Variants in PTCHD1 observed in about 807,000 individuals in gnomAD.
The protein encoded by PTCHD1 is patched domain-containing protein 1.
Under a neutral mutation model 34.6 loss-of-function variants are expected in PTCHD1, and 3 were observed. The ratio of observed to expected loss-of-function variants is 0.09; its 90% CI spans 0.04 to 0.22. The LOEUF (loss-of-function observed/expected upper bound fraction) is 0.22, where lower values mean the gene tolerates loss of function less well. Among genes scored for constraint, PTCHD1 ranks in the 10% least tolerant of loss-of-function variants. The pLI, the probability that PTCHD1 is intolerant of heterozygous loss-of-function variation, is 1.00. For synonymous variants in PTCHD1, 305 were observed against 283.1 expected, an observed-to-expected ratio of 1.08 and a Z score of -0.77; for missense variants, 504 against 685.5, an observed-to-expected ratio of 0.74 and a Z score of 2.96.
At chrX:23,342,196 C>G (rs747152566) in intron 1 of PTCHD1, among the ~76,000 whole-genome samples, 1 of 101,937 alleles carries the variant, frequency 9.8e-6, no homozygotes, top group South Asian at 4.5e-4. Context: ...CCAACTCCAG[C>G]CATCATCGGC....
Position 23,355,861 on chromosome X carries a change from G to C in PTCHD1, c.351+20635G>C, listed in dbSNP as rs147360100. On this transcript the variant is annotated intron_variant, in intron 1 of 2. Transcript: ENST00000379361. ...TTTACAAATGCATATATTAATATCT[G>C]CCTGTGTATTCCCTTGAGAGCTGGG... Among the ~76,000 whole-genome samples the C allele has an allele frequency of 4.4e-3, 497 of 112,268 alleles. 13 individuals carry two copies. In the East Asian group the frequency reaches 0.11, roughly 25 times the overall value.
In PTCHD1 at chrX:23,403,865, TA is replaced by T. The variant is rs1398924953; in HGVS notation, c.*9686del. The T allele has an allele frequency of 9.0e-6, 1 of 111,370 alleles. No individual in the cohort carries two copies. Among genetic ancestry groups the T allele is most frequent in the Non-Finnish European group, 1.9e-5 (1 of 53,045 alleles). The allele number at this position is 111,370 out of a possible 1,213,427, so 9.2% of individuals were successfully genotyped here. A position where few individuals can be genotyped will look rare whatever the true frequency, so the allele number is the denominator to read the frequency against. On this transcript the variant is annotated 3_prime_UTR_variant, in exon 3 of 3. Coordinates refer to ENST00000379361, the MANE Select transcript of PTCHD1 (RefSeq NM_173495.3). ...AAGATAGTTTAAAAAATCAAGGTAA[TA>T]AAAAACGGCCAACTCTTTCAGGAAA...
At chrX:23,344,784 C>A (rs1601902650) in intron 1 of PTCHD1, among the ~76,000 whole-genome samples, 1 of 111,680 alleles carries the variant, frequency 9.0e-6, no homozygotes, top group African/African-American at 3.3e-5. Flanking sequence ...AGGGAAGTGC[C>A]TTTTGAATTA....
In PTCHD1 at chrX:23,394,476, A is replaced by G. The variant is rs1922936083; in HGVS notation, c.*291A>G. On this transcript the variant is annotated 3_prime_UTR_variant, in exon 3 of 3. Transcript: ENST00000379361. ...CCCTGGGAGACCTATAGTCTCTTAA[A>G]CTAAGATCAAGTAGAAGAAAGCTTA... The G allele has an allele frequency of 4.2e-6, 1 of 238,701 alleles. No individual in the cohort carries two copies. The highest frequency in any genetic ancestry group is 7.4e-6 in the Non-Finnish European group (1 of 135,135). 19.7% of individuals were successfully genotyped at this position (238,701 alleles called of 1,213,427 possible).
In PTCHD1 at chrX:23,396,514, G is replaced by A. The variant is rs1465372229; in HGVS notation, c.*2329G>A. The A allele has an allele frequency of 8.9e-6, 1 of 111,952 alleles. No homozygotes were observed. The highest frequency in any genetic ancestry group is 1.9e-5 in the Non-Finnish European group (1 of 53,167). 9.2% of individuals were successfully genotyped at this position (111,952 alleles called of 1,213,427 possible). On this transcript the variant is annotated 3_prime_UTR_variant, in exon 3 of 3. Coordinates refer to ENST00000379361, the MANE Select transcript of PTCHD1 (RefSeq NM_173495.3). ...CAGTCATTGATTTAGTGTCAGCCACGTGGAGCACCTCGGCTTAAAGCAGCT... is the reference window on the plus strand; with the variant it reads ...CAGTCATTGATTTAGTGTCAGCCACATGGAGCACCTCGGCTTAAAGCAGCT...
rs1441593198 is a variant in PTCHD1, at chrX:23,394,635, T to A, written c.*450T>A. ...TTCAAACAATAAGGCTTCCAGAACT[T>A]CTGTAGAGCAGTAGCTCCAGTCATG... On this transcript the variant is annotated 3_prime_UTR_variant, in exon 3 of 3. Transcript: ENST00000379361. The A allele has an allele frequency of 8.1e-6, 1 of 124,158 alleles. No homozygotes were observed. The highest frequency in any genetic ancestry group is 1.7e-5 in the Non-Finnish European group (1 of 59,885). 10.2% of individuals were successfully genotyped at this position (124,158 alleles called of 1,213,427 possible). A position where few individuals can be genotyped will look rare whatever the true frequency, so the allele number is the denominator to read the frequency against.
chrX:23,374,307 AAAC>A (rs67913330), intron 1 of PTCHD1, among the ~76,000 whole-genome samples: 13,446 of 47,571 alleles, frequency 0.28, 2,477 homozygotes, highest in Non-Finnish European at 0.38. Context: ...AAAAAAAAAA[AAAC>A]CCAAAACCCT....
intron 1 of PTCHD1, among the ~76,000 whole-genome samples, chrX:23,365,218 G>A (rs1922108946): frequency 8.9e-6 from 1 of 111,894 alleles, no homozygotes; most frequent in African/African-American, 3.3e-5. Flanking sequence ...ACCATCAAAA[G>A]ATTGAGTATG....
intron 1 of PTCHD1, among the ~76,000 whole-genome samples, chrX:23,371,710 C>G (rs756777313): frequency 1.6e-4 from 18 of 111,236 alleles, no homozygotes; most frequent in African/African-American, 5.2e-4. Flanking sequence ...ATGTCCCTCC[C>G]ACAAAAGCAC....
intron 1 of PTCHD1, among the ~76,000 whole-genome samples, chrX:23,358,807 CTTGAA>C (rs200888192): frequency 0.14 from 15,427 of 111,287 alleles, 893 homozygotes; most frequent in Admixed American, 0.18. Flanking sequence ...TTTAATCCAA[CTTGAA>C]TTAATTTTTG....
At position 23,396,363 on chromosome X, in the gene PTCHD1, C is replaced by A. The variant is rs751949923; in HGVS notation, c.*2178C>A. ...AGGGCAAGTTTGCATAATAGATCTTCGATCAATTCTCTCTCCAAGGGGCCC... is the reference window on the plus strand; with the variant it reads ...AGGGCAAGTTTGCATAATAGATCTTAGATCAATTCTCTCTCCAAGGGGCCC... On this transcript the variant is annotated 3_prime_UTR_variant, in exon 3 of 3. Transcript: ENST00000379361. 4 of 112,105 alleles carry A rather than the reference C, an allele frequency of 3.6e-5. No individual in the cohort carries two copies. In the East Asian group the frequency reaches 1.1e-3, roughly 31 times the overall value. The allele number at this position is 112,105 out of a possible 1,213,427, so 9.2% of individuals were successfully genotyped here.
chrX:23,347,669 T>A (rs1921512700), intron 1 of PTCHD1, among the ~76,000 whole-genome samples: 1 of 111,458 alleles, frequency 9.0e-6, no homozygotes, highest in South Asian at 3.8e-4. Context: ...AAAATCAGAC[T>A]CGGATATGGG....
chrX:23,380,065 C>A lies in PTCHD1; in HGVS notation c.826C>A (p.Leu276Met). 1 of 1,211,824 alleles carries A rather than the reference C, an allele frequency of 8.3e-7. No homozygotes were observed. The highest frequency in any genetic ancestry group is 1.1e-6 in the Non-Finnish European group (1 of 895,318). The change falls in exon 2 of 3, where the codon CTG becomes ATG. Residue 276 changes from leucine (L) to methionine (M), a missense_variant. Coordinates refer to ENST00000379361, the MANE Select transcript of PTCHD1 (RefSeq NM_173495.3). ...RVSERYLVTS[L>M]ILVVTMAILC... is the part of the protein sequence containing the mutation. The stretch of plus-strand genomic sequence containing the variant: ...ATCAGAACGTTACCTGGTCACCAGC[C>A]TGATTCTGGTGGTTACCATGGCCAT...
In PTCHD1 at chrX:23,392,594, A is replaced by G. The variant is rs1331109571; in HGVS notation, c.1076A>G (p.His359Arg). ...SSWRKTREDQ[H>R]VKERTAAVYA... The stretch of plus-strand genomic sequence containing the variant: ...TGGAGGAAAACTAGAGAAGACCAAC[A>G]TGTTAAAGAGAGAACTGCAGCAGTC... Residue 359 changes from histidine (H) to arginine (R), a missense_variant, in exon 3 of 3, where the codon CAT becomes CGT. Physicochemically the swap from His to Arg is conservative, Grantham distance 29. Transcript: ENST00000379361. 3 of 1,209,295 alleles carry G rather than the reference A, an allele frequency of 2.5e-6. No individual in the cohort carries two copies. The highest frequency in any genetic ancestry group is 3.4e-6 in the Non-Finnish European group (3 of 893,125).
intron 1 of PTCHD1, among the ~76,000 whole-genome samples, chrX:23,341,705 C>T: frequency 9.1e-6 from 1 of 110,122 alleles, no homozygotes; most frequent in Middle Eastern, 4.6e-3. Flanking sequence ...CTTTAAAAGA[C>T]AAGAAAAGGA....
intron 1 of PTCHD1, among the ~76,000 whole-genome samples, chrX:23,336,059 C>T (rs761438324): frequency 3.6e-5 from 4 of 110,555 alleles, no homozygotes; most frequent in South Asian, 8.1e-4. Flanking sequence ...CCGAGAAGAG[C>T]ACAGGAAACC....
In PTCHD1 at chrX:23,400,103, G is replaced by C. The variant is rs930502734; in HGVS notation, c.*5918G>C. On this transcript the variant is annotated 3_prime_UTR_variant, in exon 3 of 3. Coordinates refer to ENST00000379361, the MANE Select transcript of PTCHD1 (RefSeq NM_173495.3). ...GTGCAGTACCCTACTCTCAAAACAA[G>C]TATGGAGAGAATAAGTCTCATTCAT... The C allele has an allele frequency of 4.2e-4, 47 of 111,822 alleles. No homozygotes were observed. Among genetic ancestry groups the C allele is most frequent in the African/African-American group, 1.4e-3 (44 of 30,793 alleles). 9.2% of individuals were successfully genotyped at this position (111,822 alleles called of 1,213,427 possible).
intron 1 of PTCHD1, among the ~76,000 whole-genome samples, chrX:23,348,718 G>C (rs1319767224): frequency 9.0e-6 from 1 of 111,618 alleles, no homozygotes; most frequent in Non-Finnish European, 1.9e-5. Flanking sequence ...AAGTGAAGGA[G>C]ATATAAAGAC....
At chrX:23,334,445 T>A (rs1364011193), upstream of PTCHD1, 1 of 109,669 alleles carries the variant, frequency 9.1e-6, no homozygotes, top group African/African-American at 3.3e-5. Context: ...CACCCCGTCG[T>A]TGGCCTTGGG....
Sources: gnomAD v4.1 joint callset for allele counts (sites outside exome capture counted in the v4.1 genomes callset) on GRCh38, gnomAD v4.1.1 for gene constraint, MANE v1.5 for transcripts, NCBI Gene and HGNC (gene_info 2026-07-23, HGNC 2026-07-21) for gene names.